CNTN1: variants seen among roughly 807,000 people sequenced by gnomAD.
The protein encoded by CNTN1 is contactin 1, also known as contactin-1.
A neutral mutation model predicts 126.4 loss-of-function variants in CNTN1; 38 were observed. That is an observed-to-expected ratio of 0.30 (90% confidence interval 0.23 to 0.39). CNTN1 has a LOEUF of 0.39. CNTN1 is among the 10% of genes least tolerant of loss of function. The pLI is 1.00. For synonymous variants in CNTN1, 413 were observed against 422.6 expected, an observed-to-expected ratio of 0.98 and a Z score of 0.28; for missense variants, 1,009 against 1,248.4, an observed-to-expected ratio of 0.81 and a Z score of 2.89.
intron 12 of CNTN1, 113 bp from the exon 13 acceptor site, chr12:40,943,484 C>A: frequency 2.6e-6 from 2 of 777,912 alleles, no homozygotes; most frequent in Non-Finnish European, 2.1e-6. Flanking sequence ...TCTGTGGTCG[C>A]ATGATTTATA....
chr12:40,798,065 A>T (rs1411154257), intron 1 of CNTN1, among the ~76,000 whole-genome samples: 1 of 152,090 alleles, frequency 6.6e-6, no homozygotes, highest in Admixed American at 6.6e-5. Context: ...TGGATGCATT[A>T]TACATGATAG....
rs993439397 is a variant in CNTN1 at position 40,796,010 on chromosome 12, T to G, written c.-77+103418T>G. The stretch of plus-strand genomic sequence containing the variant: ...CATACCCAGTGCCAAACCTGGGCTA[T>G]AATGCATGAAATATGTATTCTGCCA... On this transcript the variant is annotated intron_variant, in intron 1 of 23. Coordinates refer to ENST00000551295, the MANE Select transcript of CNTN1 (RefSeq NM_001843.4). 6.6e-5 allele frequency among the ~76,000 whole-genome samples: 10 copies of G among 152,238 alleles called. No individual in the cohort carries two copies. The South Asian group carries it at 2.1e-3, about 32-fold the overall frequency.
At position 40,742,028 on chromosome 12, in the gene CNTN1, G is replaced by A. The variant is rs1464088526; in HGVS notation, c.-77+49436G>A. Reference sequence around the variant, plus strand: ...TCCAAGAGTTTTGTATATATATTCTGAAGAAATGAGACAAAACTCCTTCTA... The same window carrying A: ...TCCAAGAGTTTTGTATATATATTCTAAAGAAATGAGACAAAACTCCTTCTA... On this transcript the variant is annotated intron_variant, in intron 1 of 23. Transcript: ENST00000551295. Among the ~76,000 whole-genome samples the A allele has an allele frequency of 2.0e-5, 3 of 151,930 alleles. No individual in the cohort carries two copies. The East Asian group carries it at 5.8e-4, about 29-fold the overall frequency.
chr12:40,882,469 G>C (rs1000215560), intron 1 of CNTN1, among the ~76,000 whole-genome samples: 6 of 151,656 alleles, frequency 4.0e-5, no homozygotes, highest in Non-Finnish European at 8.9e-5. Flanking sequence ...ATTGATTTTG[G>C]TTTCTGACTC....
At chr12:40,803,516 A>T (rs1400849849) in intron 1 of CNTN1, among the ~76,000 whole-genome samples, 1 of 151,984 alleles carries the variant, frequency 6.6e-6, no homozygotes, top group Admixed American at 6.6e-5. Flanking sequence ...CTCAAACTAG[A>T]TCTTGCTTAG....
At position 40,815,772 on chromosome 12, in the gene CNTN1, C is replaced by T. The variant is rs565849802; in HGVS notation, c.-76-92585C>T. Among the ~76,000 whole-genome samples, 45 of 152,174 alleles carry T rather than the reference C, an allele frequency of 3.0e-4. 1 individual carries two copies. The South Asian group carries it at 9.1e-3, about 31-fold the overall frequency. ...TCCAGCTTTTGTCCATTCTACATGACATTGTCTGTAGGTTTGTCATAAATA... is the reference window on the plus strand; with the variant it reads ...TCCAGCTTTTGTCCATTCTACATGATATTGTCTGTAGGTTTGTCATAAATA... On this transcript the variant is annotated intron_variant, in intron 1 of 23. Coordinates refer to ENST00000551295, the MANE Select transcript of CNTN1 (RefSeq NM_001843.4).
At chr12:40,753,640 A>G (rs1264636741) in intron 1 of CNTN1, among the ~76,000 whole-genome samples, 1 of 152,080 alleles carries the variant, frequency 6.6e-6, no homozygotes, top group Non-Finnish European at 1.5e-5. Context: ...TGCTCCCATG[A>G]TTCAGTTACC....
intron 1 of CNTN1, among the ~76,000 whole-genome samples, chr12:40,810,884 C>A (rs966573145): frequency 2.6e-5 from 4 of 152,144 alleles, no homozygotes; most frequent in African/African-American, 9.7e-5. Context: ...AGTAGCTAGG[C>A]ATGGTGGTAC....
rs1950148147 is a variant in CNTN1, at chr12:41,070,967, TA to T, written c.*933del. On this transcript the variant is annotated 3_prime_UTR_variant, in exon 24 of 24. Coordinates refer to ENST00000551295, the MANE Select transcript of CNTN1 (RefSeq NM_001843.4). ...ACAGTTAAGTGAATATCACAATTAC[TA>T]GTATGTTGGTTTTTCTGCTTCATTC... 6.6e-6 allele frequency: 1 copy of T among 152,084 alleles called. No individual in the cohort carries two copies. 9.4% of individuals were successfully genotyped at this position (152,084 alleles called of 1,614,324 possible). A position where few individuals can be genotyped will look rare whatever the true frequency, so the allele number is the denominator to read the frequency against.
chr12:40,696,651 C>A lies in CNTN1; in HGVS notation c.-77+4059C>A, dbSNP rs1340602654. On this transcript the variant is annotated intron_variant, in intron 1 of 23. Coordinates refer to ENST00000551295, the MANE Select transcript of CNTN1 (RefSeq NM_001843.4). ...ACAACAGGACTGATCCGTTGTGTGA[C>A]CTTGGAAATGTAGCAGCAGGAGGAT... 2.0e-5 allele frequency among the ~76,000 whole-genome samples: 3 copies of A among 152,092 alleles called. No homozygotes were observed. The East Asian group carries it at 5.8e-4, about 29-fold the overall frequency.
intron 1 of CNTN1, among the ~76,000 whole-genome samples, chr12:40,830,788 AGT>A (rs200211189): frequency 1.5e-5 from 1 of 65,868 alleles, no homozygotes; most frequent in Non-Finnish European, 3.0e-5. Context: ...GAGAAAGTAT[AGT>A]GTATATATAT....
chr12:40,731,733 T>G (rs956546816), intron 1 of CNTN1, among the ~76,000 whole-genome samples: 2 of 151,882 alleles, frequency 1.3e-5, no homozygotes, highest in African/African-American at 4.8e-5. Flanking sequence ...ATTAATTAGG[T>G]TGAACTGTAT....
At chr12:40,776,926 T>C (rs185214122) in intron 1 of CNTN1, among the ~76,000 whole-genome samples, 239 of 151,872 alleles carry the variant, frequency 1.6e-3, no homozygotes, top group Admixed American at 5.2e-3. Context: ...TACTGTTATT[T>C]TGTTTTTTGT....
intron 14 of CNTN1, among the ~76,000 whole-genome samples, chr12:40,947,778 TATATACACACACAC>T (rs1368922492): frequency 1.0e-3 from 67 of 65,392 alleles, no homozygotes; most frequent in African/African-American, 4.8e-4. Context: ...TATATATATA[TATATACACACACAC>T]ACACACACAC....
chr12:40,736,209 G>A (rs1353769728), intron 1 of CNTN1, among the ~76,000 whole-genome samples: 1 of 151,764 alleles, frequency 6.6e-6, no homozygotes, highest in East Asian at 1.9e-4. Context: ...AAGTGTAAAA[G>A]GTATATAAAT....
intron 1 of CNTN1, among the ~76,000 whole-genome samples, chr12:40,894,232 T>G (rs1944330388): frequency 1.3e-5 from 2 of 152,256 alleles, no homozygotes; most frequent in South Asian, 2.1e-4. Flanking sequence ...AGCAAATGAT[T>G]ACTTTTACAT....
Position 40,946,220 on chromosome 12 carries a change from C to A in CNTN1, c.1683+2050C>A, listed in dbSNP as rs144427206. Among the ~76,000 whole-genome samples the A allele has an allele frequency of 5.2e-4, 79 of 152,156 alleles. No individual in the cohort carries two copies. In the East Asian group the frequency reaches 0.015, roughly 28 times the overall value. ...AAACTTCACTGGTCAATATGCCATG[C>A]AAAATTTAAGTAAAAACGCTATAAA... On this transcript the variant is annotated intron_variant, in intron 14 of 23. Transcript: ENST00000551295.
chr12:41,048,231 C>T (rs1382529195), intron 23 of CNTN1, among the ~76,000 whole-genome samples: 1 of 152,206 alleles, frequency 6.6e-6, no homozygotes, highest in Non-Finnish European at 1.5e-5. Context: ...CACAAAACTT[C>T]AAGTGGGCCC....
chr12:40,942,010 G>T (rs1457861909), intron 12 of CNTN1, among the ~76,000 whole-genome samples: 1 of 152,094 alleles, frequency 6.6e-6, no homozygotes, highest in Non-Finnish European at 1.5e-5. Context: ...TTTAAAGATG[G>T]TAAAAGATCA....
Sources: allele counts gnomAD v4.1 joint callset (sites outside exome capture counted in the v4.1 genomes callset), GRCh38; gene constraint gnomAD v4.1.1; transcripts MANE v1.5; gene names NCBI Gene and HGNC (gene_info 2026-07-23, HGNC 2026-07-21).